CSMD3: variants seen among roughly 807,000 people sequenced by gnomAD.
CSMD3 encodes CUB and sushi domain-containing protein 3.
Under a neutral mutation model 435.2 loss-of-function variants are expected in CSMD3, and 177 were observed. The observed-to-expected ratio is 0.41, with a 90% CI of 0.36 to 0.46. The LOEUF (loss-of-function observed/expected upper bound fraction) is 0.46. Among genes scored for constraint, CSMD3 ranks in the 20% least tolerant of loss-of-function variants. CSMD3 has a pLI of 0.34. For missense variants in CSMD3, 4,265 were observed against 4,504.6 expected (o/e 0.95, Z 1.52); for synonymous variants, 1,656 against 1,520.5 (o/e 1.09, Z -2.07).
chr8:112,528,299 T>TA (rs1227979634), intron 27 of CSMD3, among the ~76,000 whole-genome samples: 2 of 151,790 alleles, frequency 1.3e-5, no homozygotes, highest in African/African-American at 2.4e-5. Context: ...ATTTATTCAT[T>TA]AAAAAAAACC....
At chr8:112,916,082 A>G (rs2082562918) in intron 10 of CSMD3, among the ~76,000 whole-genome samples, 1 of 151,846 alleles carries the variant, frequency 6.6e-6, no homozygotes. Context: ...GCAAGGTTAT[A>G]CTCCTAGAAA....
At chr8:112,486,892 T>C (rs1461198842) in intron 31 of CSMD3, among the ~76,000 whole-genome samples, 1 of 152,158 alleles carries the variant, frequency 6.6e-6, no homozygotes, top group Non-Finnish European at 1.5e-5. Context: ...CAATTTTAAA[T>C]GCAGGACCAG....
chr8:112,366,880 C>T (rs915616079), intron 38 of CSMD3, among the ~76,000 whole-genome samples: 1 of 152,174 alleles, frequency 6.6e-6, no homozygotes, highest in African/African-American at 2.4e-5. Context: ...TCATTGCTTA[C>T]AAAAGTGTCT....
chr8:112,888,018 T>A (rs372138309), intron 10 of CSMD3, among the ~76,000 whole-genome samples: 1 of 151,588 alleles, frequency 6.6e-6, no homozygotes, highest in Non-Finnish European at 1.5e-5. Flanking sequence ...TATATAACCA[T>A]AGAACAGAAA....
chr8:112,660,689 T>A lies in CSMD3; in HGVS notation c.2817-4348A>T, dbSNP rs1043049075. On this transcript the variant is annotated intron_variant, in intron 17 of 70. Transcript: ENST00000297405. ...TTCAGTTTACAACATTTGGAAGAAT[T>A]TGGGACTTAATTTATTTTATTTATA... Among the ~76,000 whole-genome samples, 4 of 152,302 alleles carry A rather than the reference T, an allele frequency of 2.6e-5. No individual in the cohort carries two copies. In the East Asian group the frequency reaches 5.8e-4, roughly 22 times the overall value.
rs183886438 is a variant in CSMD3, at chr8:112,623,964, A to G, written c.3715+12853T>C. ...TAGAGTATCCCAAATCTAGATGTTAAGAGAGCTTAATGAGAGAATCCTGAT... is the reference window on the plus strand; with the variant it reads ...TAGAGTATCCCAAATCTAGATGTTAGGAGAGCTTAATGAGAGAATCCTGAT... On this transcript the variant is annotated intron_variant, in intron 22 of 70. Coordinates refer to ENST00000297405, the MANE Select transcript of CSMD3 (RefSeq NM_198123.2). Among the ~76,000 whole-genome samples, 257 of 152,204 alleles carry G rather than the reference A, an allele frequency of 1.7e-3. 3 individuals carry two copies. Among genetic ancestry groups the G allele is most frequent in the African/African-American group, 5.9e-3 (246 of 41,552 alleles).
In CSMD3 at chr8:112,552,655, G is replaced by C. The variant is rs2131201833; in HGVS notation, c.4300C>G (p.Pro1434Ala). The change falls in exon 26 of 71, where the codon CCA becomes GCA. Residue 1434 changes from proline to alanine, a missense_variant. This residue lies in a region of CSMD3 where 3,255 missense variants were observed against 3,380.2 expected (regional missense o/e 0.96). Transcript: ENST00000297405. The part of the protein sequence containing the change: ...GRILSPGYPF[P>A]YDNNLRCMWM... ...ATGCAACGCAGGTTATTGTCATATG[G>C]AAAAGGATAGCCAGGAGATAAGATT... is the stretch of plus-strand genomic sequence containing the variant. 6.2e-7 allele frequency: 1 copy of C among 1,611,996 alleles called. No homozygotes were observed. Among genetic ancestry groups the C allele is most frequent in the South Asian group, 1.1e-5 (1 of 91,048 alleles).
intron 9 of CSMD3, among the ~76,000 whole-genome samples, chr8:112,934,938 T>A (rs2083233155): frequency 6.6e-6 from 1 of 152,172 alleles, no homozygotes; most frequent in Non-Finnish European, 1.5e-5. Flanking sequence ...GATTTTGTTT[T>A]TTTGCCTGTG....
At chr8:112,754,236 G>A (rs2077639582) in intron 13 of CSMD3, among the ~76,000 whole-genome samples, 1 of 152,134 alleles carries the variant, frequency 6.6e-6, no homozygotes, top group Non-Finnish European at 1.5e-5. Flanking sequence ...AGAGCTGTAA[G>A]GCCGGATGTA....
intron 38 of CSMD3, among the ~76,000 whole-genome samples, chr8:112,361,604 T>TTCCAAATTGATTTC (rs1563841202): frequency 7.5e-6 from 1 of 133,312 alleles, no homozygotes; most frequent in African/African-American, 2.8e-5. Context: ...TATATATATA[T>TTCCAAATTGATTTC]ATATATATAT....
At chr8:113,271,935 G>A (rs1382626297) in intron 3 of CSMD3, among the ~76,000 whole-genome samples, 2 of 152,102 alleles carry the variant, frequency 1.3e-5, no homozygotes, top group African/African-American at 4.8e-5. Context: ...GCTTGACCTG[G>A]ATGTGAGACA....
At chr8:113,293,140 A>G (rs991960270) in intron 2 of CSMD3, among the ~76,000 whole-genome samples, 2 of 151,494 alleles carry the variant, frequency 1.3e-5, no homozygotes, top group African/African-American at 4.8e-5. Flanking sequence ...TATAGTTCTG[A>G]ACATTATAAC....
intron 22 of CSMD3, among the ~76,000 whole-genome samples, chr8:112,588,451 A>C (rs1830911516): frequency 6.7e-6 from 1 of 148,304 alleles, no homozygotes. Flanking sequence ...GTTACCCCTA[A>C]ATTCCTTTTA....
At chr8:112,661,103 A>T (rs7003170) in intron 17 of CSMD3, among the ~76,000 whole-genome samples, 1 of 151,966 alleles carries the variant, frequency 6.6e-6, no homozygotes. Flanking sequence ...AGACTTTCTT[A>T]CTTCTAGCCT....
intron 2 of CSMD3, among the ~76,000 whole-genome samples, chr8:113,304,426 AG>A (rs1278666526): frequency 1.2e-5 from 1 of 81,380 alleles, no homozygotes; most frequent in Non-Finnish European, 2.4e-5. Flanking sequence ...ATATACCCAA[AG>A]GACTATAAAT....
chr8:112,804,637 T>C (rs1033103846), intron 12 of CSMD3, among the ~76,000 whole-genome samples: 3 of 148,808 alleles, frequency 2.0e-5, no homozygotes, highest in Non-Finnish European at 4.4e-5. Context: ...CTTTCTCTCA[T>C]GCTAACTCAT....
Position 112,682,648 on chromosome 8 carries a change from T to C in CSMD3, c.2483-12A>G, listed in dbSNP as rs201779178. 209 of 1,573,308 alleles carry C rather than the reference T, an allele frequency of 1.3e-4. No homozygotes were observed. The African/African-American group carries it at 2.5e-3, about 19-fold the overall frequency. On this transcript the variant is annotated splice_polypyrimidine_tract_variant and intron_variant, in intron 15 of 70. Transcript: ENST00000297405. ...ATTATGTCCAAATGCTTTAGAATAA[T>C]ATGCAAAGAAAAATACACAAACAAA...
intron 24 of CSMD3, among the ~76,000 whole-genome samples, chr8:112,557,913 G>A (rs1243396998): frequency 2.6e-5 from 4 of 151,936 alleles, no homozygotes; most frequent in Admixed American, 2.6e-4. Flanking sequence ...AATACAAGAG[G>A]CCTAGATTTT....
intron 3 of CSMD3, among the ~76,000 whole-genome samples, chr8:113,222,036 T>TGG (rs146744240): frequency 0.37 from 55,401 of 150,840 alleles, 11,004 homozygotes; most frequent in African/African-American, 0.52. Context: ...GTTAAGTAAA[T>TGG]GCATGAAGGT....
Sources: gnomAD v4.1 joint callset for allele counts (sites outside exome capture counted in the v4.1 genomes callset) on GRCh38, gnomAD v4.1.1 for gene constraint, gnomAD v4.1.1 regional missense constraint, MANE v1.5 for transcripts, NCBI Gene and HGNC (gene_info 2026-07-23, HGNC 2026-07-21) for gene names.